Variants in GNB4 observed in about 807,000 individuals in gnomAD.
GNB4 encodes the protein G protein subunit beta 4.
In GNB4, 28 loss-of-function variants were observed where a neutral mutation model predicts 45.2. The ratio of observed to expected loss-of-function variants is 0.62; its 90% confidence interval spans 0.46 to 0.85. The LOEUF is 0.85. Among genes scored for constraint, GNB4 ranks in the 40% least tolerant of loss-of-function variants. GNB4 has a pLI of 0.00. For missense variants in GNB4, 321 were observed against 425.4 expected, an observed-to-expected ratio of 0.75 and a Z score of 2.16; for synonymous variants, 132 against 143.7, an observed-to-expected ratio of 0.92 and a Z score of 0.58.
At chr3:179,414,582 A>C (rs1213372810) in intron 6 of GNB4, among the ~76,000 whole-genome samples, 1 of 152,194 alleles carries the variant, frequency 6.6e-6, no homozygotes, top group Non-Finnish European at 1.5e-5. Flanking sequence ...ACAATCCCAT[A>C]ATTGTTATAT....
the GNB4 span, among the ~76,000 whole-genome samples, chr3:179,512,030 G>A: frequency 7.2e-5 from 11 of 152,186 alleles, no homozygotes; most frequent in Admixed American, 3.3e-4. Flanking sequence ...AGACAGGGTC[G>A]TTGTAACAGC....
intron 5 of GNB4, 36 bp from the exon 6 acceptor site, chr3:179,415,083 A>C: frequency 6.7e-7 from 1 of 1,495,356 alleles, no homozygotes; most frequent in Non-Finnish European, 9.1e-7. Context: ...TCAGATTACA[A>C]AAACAGTCAT....
At chr3:179,423,286 C>A (rs375474356) in intron 2 of GNB4, among the ~76,000 whole-genome samples, 6 of 152,072 alleles carry the variant, frequency 3.9e-5, no homozygotes, top group African/African-American at 1.4e-4. Flanking sequence ...ACAGTAGGGG[C>A]AAATATGCAC....
At chr3:179,486,273 C>G in the GNB4 span, among the ~76,000 whole-genome samples, 6 of 151,284 alleles carry the variant, frequency 4.0e-5, no homozygotes, top group Non-Finnish European at 8.8e-5. Context: ...TGCCTTTCCT[C>G]CAGTAATTGT....
intron 1 of GNB4, among the ~76,000 whole-genome samples, chr3:179,447,820 G>A (rs186505564): frequency 9.9e-4 from 151 of 152,350 alleles, no homozygotes; most frequent in African/African-American, 3.6e-3. Context: ...TTTAGAATGA[G>A]TGAAATGGGG....
chr3:179,522,380 C>A, the GNB4 span, among the ~76,000 whole-genome samples: 1 of 152,186 alleles, frequency 6.6e-6, no homozygotes. Context: ...TCTCCCTTCG[C>A]TGATTCTCTT....
chr3:179,420,695 T>C (rs1008003862), intron 3 of GNB4, among the ~76,000 whole-genome samples, 194 bp downstream of exon 3: 1 of 152,064 alleles, frequency 6.6e-6, no homozygotes, highest in Non-Finnish European at 1.5e-5. Flanking sequence ...TTTCCATAGA[T>C]GTCTATTTTA....
the GNB4 span, among the ~76,000 whole-genome samples, chr3:179,519,306 C>T: frequency 2.6e-5 from 4 of 152,302 alleles, no homozygotes; most frequent in Admixed American, 2.0e-4. Context: ...GACTCCATCC[C>T]AGATCTTCTT....
the GNB4 span, among the ~76,000 whole-genome samples, chr3:179,458,227 G>A: frequency 6.6e-6 from 1 of 152,142 alleles, no homozygotes; most frequent in Non-Finnish European, 1.5e-5. Context: ...ATGTGATGTG[G>A]GGAGGGGCAG....
At chr3:179,402,765 T>C (rs1002027069) in intron 9 of GNB4, among the ~76,000 whole-genome samples, 4 of 152,194 alleles carry the variant, frequency 2.6e-5, no homozygotes, top group African/African-American at 4.8e-5. Context: ...CAGGTATCTC[T>C]GGAACAGGTA....
At chr3:179,454,849 T>C (rs1019527354), upstream of GNB4, among the ~76,000 whole-genome samples, 2 of 152,002 alleles carry the variant, frequency 1.3e-5, no homozygotes, top group Non-Finnish European at 2.9e-5. Context: ...CAAAATAAGT[T>C]ATAAAATATT....
At chr3:179,415,266 A>G (rs1714763994) in intron 5 of GNB4, among the ~76,000 whole-genome samples, 1 of 152,222 alleles carries the variant, frequency 6.6e-6, no homozygotes, top group Admixed American at 6.5e-5. Flanking sequence ...ATTTGAGTCA[A>G]AAAGTGCTCT....
At chr3:179,480,505 A>G in the GNB4 span, among the ~76,000 whole-genome samples, 1 of 152,042 alleles carries the variant, frequency 6.6e-6, no homozygotes, top group Non-Finnish European at 1.5e-5. Flanking sequence ...ATCATTCTCA[A>G]GGTCCTGGCT....
rs1029263836 is a variant in GNB4 at position 179,399,452 on chromosome 3, C to T, written c.*1761G>A. The T allele has an allele frequency of 2.0e-5, 3 of 152,222 alleles. No individual in the cohort carries two copies. The highest frequency in any genetic ancestry group is 2.9e-5 in the Non-Finnish European group (2 of 68,038). 9.4% of individuals were successfully genotyped at this position (152,222 alleles called of 1,614,324 possible). On this transcript the variant is annotated 3_prime_UTR_variant, in exon 10 of 10. Coordinates refer to ENST00000232564, the MANE Select transcript of GNB4 (RefSeq NM_021629.4). ...TCCTGACCTCAAGTGATCTGCCCAC[C>T]TTGGCCTCCCAAATTGCTGGGATTA...
chr3:179,509,241 A>G, the GNB4 span, among the ~76,000 whole-genome samples: 4 of 151,860 alleles, frequency 2.6e-5, no homozygotes, highest in African/African-American at 4.8e-5. Flanking sequence ...TATTGATAAG[A>G]TGATCATGTA....
At chr3:179,492,351 G>A in the GNB4 span, among the ~76,000 whole-genome samples, 1 of 152,146 alleles carries the variant, frequency 6.6e-6, no homozygotes. Context: ...GAGCTACTGT[G>A]ATACTACACC....
the GNB4 span, among the ~76,000 whole-genome samples, chr3:179,482,850 A>C: frequency 6.6e-6 from 1 of 152,178 alleles, no homozygotes; most frequent in African/African-American, 2.4e-5. Flanking sequence ...CTGGTCTCAG[A>C]ATATGAAGTT....
intron 9 of GNB4, among the ~76,000 whole-genome samples, chr3:179,404,605 G>C (rs1394582267): frequency 6.6e-6 from 1 of 152,146 alleles, no homozygotes; most frequent in Non-Finnish European, 1.5e-5. Context: ...GAAACTATGG[G>C]TTGGGGATGA....
At chr3:179,478,729 C>T in the GNB4 span, among the ~76,000 whole-genome samples, 2 of 152,124 alleles carry the variant, frequency 1.3e-5, no homozygotes, top group South Asian at 2.1e-4. Flanking sequence ...GGATCTGTGT[C>T]CCCACCCAAA....
Sources: allele counts gnomAD v4.1 joint callset (sites outside exome capture counted in the v4.1 genomes callset), GRCh38; gene constraint gnomAD v4.1.1; transcripts MANE v1.5; gene names NCBI Gene and HGNC (gene_info 2026-07-23, HGNC 2026-07-21).